The following NUP153 variants were observed in gnomAD, a reference collection of about 807,000 sequenced individuals.
The protein encoded by NUP153 is nucleoporin 153.
Under a neutral mutation model 134.6 loss-of-function variants are expected in NUP153, and 27 were observed. The observed-to-expected ratio is 0.20, with a 90% CI of 0.15 to 0.28. The LOEUF is 0.28. NUP153 is among the 10% of genes least tolerant of loss of function. The pLI, the probability that NUP153 is intolerant of heterozygous loss-of-function variation, is 1.00. For missense variants in NUP153, 1,821 were observed against 1,731.3 expected (o/e 1.05, Z -0.92); for synonymous variants, 640 against 623.5 (o/e 1.03, Z -0.40).
At chr6:17,671,066 A>C (rs1191177270) in intron 5 of NUP153, among the ~76,000 whole-genome samples, 2 of 152,048 alleles carry the variant, frequency 1.3e-5, no homozygotes, top group East Asian at 3.9e-4. Context: ...GGCCTTCCAA[A>C]GTGCTGGGAT....
At chr6:17,616,288 G>GGGGGGGGGGGGGGGCC in intron 21 of NUP153, 107 bp from the exon 22 acceptor site, 1 of 476,204 alleles carries the variant, frequency 2.1e-6, no homozygotes, top group Non-Finnish European at 3.9e-6. Context: ...CGGGTGGGGG[G>GGGGGGGGGGGGGGGCC]GGAGTAGACT....
chr6:17,705,477 G>A (rs1770417191), intron 1 of NUP153, among the ~76,000 whole-genome samples: 1 of 150,272 alleles, frequency 6.7e-6, no homozygotes, highest in Non-Finnish European at 1.5e-5. Flanking sequence ...TCTAGAATAC[G>A]CCTCATAATA....
intron 11 of NUP153, among the ~76,000 whole-genome samples, chr6:17,660,584 A>G (rs1297754412): frequency 6.6e-6 from 1 of 151,660 alleles, no homozygotes; most frequent in East Asian, 1.9e-4. Context: ...CTTAATATAC[A>G]TATAAGAAAT....
Position 17,629,187 on chromosome 6 carries a change from A to T in NUP153, c.3012T>A (p.Asn1004Lys). The change falls in exon 18 of 22, where the codon AAT becomes AAA. Residue 1004 changes from asparagine (N) to lysine (K), a missense_variant. Coordinates refer to ENST00000262077, the MANE Select transcript of NUP153 (RefSeq NM_005124.4). ...CCTCTTTCTTTTCTTCCTGTCCAAG[A>T]TTAGATACCCCAAATTGAAATGGAG... The part of the protein sequence containing the change: ...SLTPFQFGVS[N>K]LGQEEKKEEL... 1 of 1,613,412 alleles carries T rather than the reference A, an allele frequency of 6.2e-7. No individual in the cohort carries two copies.
chr6:17,653,759 G>C (rs1469711119), intron 11 of NUP153, among the ~76,000 whole-genome samples: 1 of 152,140 alleles, frequency 6.6e-6, no homozygotes, highest in Non-Finnish European at 1.5e-5. Context: ...CTGAGAAGGA[G>C]GACAACTGAA....
Position 17,628,620 on chromosome 6 carries a change from AAT to A in NUP153, c.3544+33_3544+34del, listed in dbSNP as rs1491039607. 2.5e-5 allele frequency: 28 copies of A among 1,106,104 alleles called. No individual in the cohort carries two copies. Among genetic ancestry groups the A allele is most frequent in the Middle Eastern group, 3.3e-4 (1 of 3,012 alleles). The allele number at this position is 1,106,104 out of a possible 1,614,324, so 68.5% of individuals were successfully genotyped here. Reference sequence around the variant, plus strand: ...TAAAACGACAACTTGTAAAAAAAAAAATAATAATAATAATAATAAAAAGTTAA... The same window carrying A: ...TAAAACGACAACTTGTAAAAAAAAAAAATAATAATAATAATAAAAAGTTAA... On this transcript the variant is annotated intron_variant, in intron 18 of 21. Transcript: ENST00000262077. The surrounding 1 kb of genome is among the most constrained non-coding windows in gnomAD (Gnocchi z 5.4).
intron 11 of NUP153, among the ~76,000 whole-genome samples, chr6:17,650,114 C>T (rs186024373): frequency 3.2e-4 from 48 of 152,212 alleles, no homozygotes; most frequent in Admixed American, 2.0e-3. Flanking sequence ...ACCTGATAAA[C>T]GTTTAGATAT....
chr6:17,666,401 G>A (rs879514808), intron 8 of NUP153, among the ~76,000 whole-genome samples: 11 of 152,062 alleles, frequency 7.2e-5, no homozygotes, highest in African/African-American at 2.7e-4. Context: ...TGTAATCCCG[G>A]CTATTCAGGA....
chr6:17,631,752 G>A (rs1765266455), intron 17 of NUP153, among the ~76,000 whole-genome samples: 1 of 151,904 alleles, frequency 6.6e-6, no homozygotes, highest in South Asian at 2.1e-4. Flanking sequence ...GGATCACGAA[G>A]TCAGGAGATT....
intron 2 of NUP153, among the ~76,000 whole-genome samples, chr6:17,682,326 A>G (rs555481546): frequency 2.0e-5 from 3 of 152,288 alleles, no homozygotes; most frequent in African/African-American, 7.2e-5. Context: ...CTTTGCCTCA[A>G]TGTTGATGGC....
At chr6:17,682,847 G>A (rs1768676204) in intron 2 of NUP153, among the ~76,000 whole-genome samples, 1 of 150,904 alleles carries the variant, frequency 6.6e-6, no homozygotes, top group South Asian at 2.1e-4. Context: ...TATCGCAGGA[G>A]GCTGAAGTTG....
At chr6:17,698,492 A>G (rs575013117) in intron 1 of NUP153, among the ~76,000 whole-genome samples, 4 of 152,258 alleles carry the variant, frequency 2.6e-5, no homozygotes, top group African/African-American at 9.6e-5. Flanking sequence ...TAACCCCAGC[A>G]CTTTGGGAGG....
At chr6:17,668,674 C>G (rs1767701972) in intron 8 of NUP153, among the ~76,000 whole-genome samples, 1 of 151,794 alleles carries the variant, frequency 6.6e-6, no homozygotes, top group South Asian at 2.1e-4. Flanking sequence ...GAAACCCTAT[C>G]TCTACTAAAA....
chr6:17,643,008 G>C (rs1468108580), intron 14 of NUP153, among the ~76,000 whole-genome samples: 1 of 152,184 alleles, frequency 6.6e-6, no homozygotes, highest in Non-Finnish European at 1.5e-5. Context: ...CAGTTAGCTA[G>C]GGGGAAGGCA....
chr6:17,667,253 T>C (rs997268395), intron 8 of NUP153, among the ~76,000 whole-genome samples: 3 of 152,160 alleles, frequency 2.0e-5, no homozygotes, highest in Admixed American at 1.3e-4. Context: ...ATTCCAAAAA[T>C]TGAGAAGCAA....
rs933944594 is a variant in NUP153 at position 17,675,137 on chromosome 6, CAA to C, written c.723+90_723+91del. On this transcript the variant is annotated intron_variant, in intron 4 of 21. Transcript: ENST00000262077. This position sits in a 1 kb window ranked among gnomAD's most constrained non-coding sequence, Gnocchi z 4.4. ...CTACACACTCAAGCCTGGGCAACAG[CAA>C]AAGACTCTTGTCTCAGAAAAAAAAA... The C allele has an allele frequency of 5.3e-6, 8 of 1,502,178 alleles. No individual in the cohort carries two copies. The highest frequency in any genetic ancestry group is 4.3e-5 in the African/African-American group (3 of 69,842). The allele number at this position is 1,502,178 out of a possible 1,614,324, so 93.1% of individuals were successfully genotyped here.
chr6:17,706,571 G>A lies in NUP153; in HGVS notation c.-184C>T. On this transcript the variant is annotated 5_prime_UTR_variant, in exon 1 of 22. Transcript: ENST00000262077. The surrounding 1 kb of genome is among the most constrained non-coding windows in gnomAD (Gnocchi z 5.9). ...GCGAGCAGGAGCGGAGAGAGGGTGA[G>A]TGCTGGCAGCGGGGAAGGGGGTGGC... The A allele has an allele frequency of 1.7e-6, 1 of 584,906 alleles. No individual in the cohort carries two copies. Among genetic ancestry groups the A allele is most frequent in the East Asian group, 3.0e-5 (1 of 33,376 alleles). The allele number at this position is 584,906 out of a possible 1,614,324, so 36.2% of individuals were successfully genotyped here. A position where few individuals can be genotyped will look rare whatever the true frequency, so the allele number is the denominator to read the frequency against.
chr6:17,695,226 T>C (rs1230573141), intron 1 of NUP153, among the ~76,000 whole-genome samples: 2 of 152,198 alleles, frequency 1.3e-5, no homozygotes, highest in Non-Finnish European at 2.9e-5. Context: ...TCTAGTCACT[T>C]ATAAAAGGAC....
intron 5 of NUP153, among the ~76,000 whole-genome samples, chr6:17,673,192 A>G (rs1288537791): frequency 6.6e-6 from 1 of 152,098 alleles, no homozygotes; most frequent in Admixed American, 6.6e-5. Flanking sequence ...GATGGTGAGA[A>G]ACTCCGTCTC....
Sources: gnomAD v4.1 joint callset for allele counts (sites outside exome capture counted in the v4.1 genomes callset) on GRCh38, gnomAD v4.1.1 for gene constraint, Gnocchi (gnomAD v3.1) non-coding constraint, MANE v1.5 for transcripts, NCBI Gene and HGNC (gene_info 2026-07-23, HGNC 2026-07-21) for gene names.